The following ANKDD1A variants were observed in gnomAD, a reference collection of about 807,000 sequenced individuals.
The protein encoded by ANKDD1A is ankyrin repeat and death domain-containing protein 1A.
ANKDD1A carries 59 observed loss-of-function variants against 63.5 expected under a neutral mutation model. The ratio of observed to expected loss-of-function variants is 0.93; its 90% CI spans 0.75 to 1.15. ANKDD1A has a LOEUF of 1.15. Ranked by LOEUF, ANKDD1A falls within the 50% of genes most tolerant of loss-of-function variation. The pLI is 0.00. For synonymous variants in ANKDD1A, 266 were observed against 263.9 expected, an observed-to-expected ratio of 1.01 and a Z score of -0.08; for missense variants, 632 against 656.4, an observed-to-expected ratio of 0.96 and a Z score of 0.41.
intron 6 of ANKDD1A, among the ~76,000 whole-genome samples, chr15:64,929,038 A>T (rs1283367964): frequency 6.6e-6 from 1 of 152,182 alleles, no homozygotes; most frequent in Non-Finnish European, 1.5e-5. Flanking sequence ...TCACGCTGTG[A>T]TTGCATTTCC....
At chr15:64,939,003 A>ATCAAT (rs1460487342) in intron 9 of ANKDD1A, among the ~76,000 whole-genome samples, 40 of 151,968 alleles carry the variant, frequency 2.6e-4, no homozygotes, top group Non-Finnish European at 4.9e-4. Flanking sequence ...AGTTCTAATA[A>ATCAAT]TCAATTGACA....
chr15:64,928,636 C>T (rs2085065374), intron 6 of ANKDD1A, among the ~76,000 whole-genome samples: 1 of 152,184 alleles, frequency 6.6e-6, no homozygotes, highest in African/African-American at 2.4e-5. Context: ...CAACACAGGT[C>T]ACTCCACGTG....
At chr15:64,926,707 A>G (rs1482809673) in intron 5 of ANKDD1A, among the ~76,000 whole-genome samples, 194 bp from the exon 6 acceptor site, 3 of 152,128 alleles carry the variant, frequency 2.0e-5, no homozygotes, top group African/African-American at 7.2e-5. Context: ...GGACCCCAGC[A>G]AGTGTCTCTT....
At chr15:64,956,314 GCA>G (rs2085416308) in intron 14 of ANKDD1A, among the ~76,000 whole-genome samples, 1 of 151,552 alleles carries the variant, frequency 6.6e-6, no homozygotes, top group Non-Finnish European at 1.5e-5. Context: ...CTTTGGGAGG[GCA>G]AGGCGGGCAG....
intron 1 of ANKDD1A, chr15:64,914,059 C>T (rs1163970591): frequency 6.6e-6 from 1 of 151,424 alleles, no homozygotes; most frequent in Non-Finnish European, 1.5e-5. Context: ...ATGATCTCGG[C>T]TCACTGCAAC....
At chr15:64,944,797 T>G in intron 12 of ANKDD1A, 50 bp downstream of exon 12, 2 of 1,589,340 alleles carry the variant, frequency 1.3e-6, no homozygotes, top group South Asian at 2.2e-5. Context: ...GGAGTGATTT[T>G]GGCTCCAGAT....
intron 6 of ANKDD1A, among the ~76,000 whole-genome samples, chr15:64,928,387 C>A (rs1016200518): frequency 6.6e-6 from 1 of 152,256 alleles, no homozygotes; most frequent in African/African-American, 2.4e-5. Flanking sequence ...AATGATCACA[C>A]CTCAGGGCCC....
chr15:64,938,034 C>T (rs954263757), intron 9 of ANKDD1A, among the ~76,000 whole-genome samples: 2 of 152,058 alleles, frequency 1.3e-5, no homozygotes, highest in African/African-American at 2.4e-5. Flanking sequence ...ATGGTCAACT[C>T]TGAAACTACT....
chr15:64,923,481 TA>T (rs982181162), intron 4 of ANKDD1A, among the ~76,000 whole-genome samples: 2 of 152,224 alleles, frequency 1.3e-5, no homozygotes, highest in African/African-American at 4.8e-5. Flanking sequence ...TTTTCCTGTA[TA>T]ATTTTTTTTT....
chr15:64,930,335 CA>C (rs1436530676), intron 6 of ANKDD1A, among the ~76,000 whole-genome samples: 1 of 151,276 alleles, frequency 6.6e-6, no homozygotes. Flanking sequence ...GTGATCTGTG[CA>C]GTGGGGAAAG....
chr15:64,943,763 T>G, intron 11 of ANKDD1A, 181 bp downstream of exon 11: 1 of 627,112 alleles, frequency 1.6e-6, no homozygotes, highest in Admixed American at 2.5e-5. Flanking sequence ...CACCTTCCCC[T>G]CTCTCTACTA....
In ANKDD1A at chr15:64,952,875, TTC is replaced by T. The variant is rs1566917116; in HGVS notation, c.1483+2905_1483+2906del. ...TCTTCTCCTTCTTCTTTTCTTCTCT[TTC>T]TTCTTCTCCTTCTTCCTTCTCCTTC... On this transcript the variant is annotated intron_variant, in intron 14 of 14. Transcript: ENST00000319580. 8.9e-3 allele frequency among the ~76,000 whole-genome samples: 1,021 copies of T among 114,122 alleles called. 42 individuals carry two copies. The South Asian group carries it at 0.13, about 15-fold the overall frequency. The allele number at this position is 114,122 out of a possible 152,430, so 74.9% of individuals were successfully genotyped here. A position where few individuals can be genotyped will look rare whatever the true frequency, so the allele number is the denominator to read the frequency against.
At chr15:64,933,820 GAC>G (rs1263428509) in intron 8 of ANKDD1A, among the ~76,000 whole-genome samples, 5 of 151,784 alleles carry the variant, frequency 3.3e-5, no homozygotes, top group African/African-American at 1.2e-4. Flanking sequence ...CAGCTTGGGT[GAC>G]AGAGTGAGAC....
At chr15:64,923,158 A>G (rs1445760753) in intron 4 of ANKDD1A, among the ~76,000 whole-genome samples, 1 of 152,088 alleles carries the variant, frequency 6.6e-6, no homozygotes, top group African/African-American at 2.4e-5. Flanking sequence ...CCACAACCTA[A>G]CACACCAATA....
chr15:64,952,541 T>C (rs545089400), intron 14 of ANKDD1A, among the ~76,000 whole-genome samples: 13 of 148,816 alleles, frequency 8.7e-5, no homozygotes, highest in Non-Finnish European at 1.3e-4. Context: ...TTCTTCTCCT[T>C]CTCCTCCTCC....
chr15:64,928,689 T>G (rs2085065731), intron 6 of ANKDD1A, among the ~76,000 whole-genome samples: 2 of 152,144 alleles, frequency 1.3e-5, no homozygotes, highest in African/African-American at 4.8e-5. Flanking sequence ...CAGAGAGAGC[T>G]ATTAACTCCA....
chr15:64,920,971 C>CTTTG (rs1309029821), intron 3 of ANKDD1A, among the ~76,000 whole-genome samples: 1 of 151,868 alleles, frequency 6.6e-6, no homozygotes, highest in African/African-American at 2.4e-5. Flanking sequence ...GTTTTTTTGT[C>CTTTG]TTTGTTTGTT....
In ANKDD1A at chr15:64,911,905, G is replaced by T; in HGVS notation, c.-26G>T. The T allele has an allele frequency of 1.6e-6, 2 of 1,244,892 alleles. No homozygotes were observed. Among genetic ancestry groups the T allele is most frequent in the South Asian group, 3.7e-5 (1 of 26,962 alleles). The allele number at this position is 1,244,892 out of a possible 1,614,324, so 77.1% of individuals were successfully genotyped here. On this transcript the variant is annotated 5_prime_UTR_variant, in exon 1 of 15. Coordinates refer to ENST00000319580, the MANE Select transcript of ANKDD1A (RefSeq NM_182703.6). ...GCGCGCCTCGCGCCCGGGCACCAGCGCGCGCAGGGGCTGCGGAGCGGCAGG... is the reference window on the plus strand; with the variant it reads ...GCGCGCCTCGCGCCCGGGCACCAGCTCGCGCAGGGGCTGCGGAGCGGCAGG...
At chr15:64,953,876 A>T (rs1218569447) in intron 14 of ANKDD1A, among the ~76,000 whole-genome samples, 7 of 84,874 alleles carry the variant, frequency 8.2e-5, no homozygotes, top group African/African-American at 2.3e-4. Flanking sequence ...TTTCTTCTTC[A>T]TTCTTTCTTC....
Sources: gnomAD v4.1 joint callset for allele counts (sites outside exome capture counted in the v4.1 genomes callset) on GRCh38, gnomAD v4.1.1 for gene constraint, MANE v1.5 for transcripts, NCBI Gene and HGNC (gene_info 2026-07-23, HGNC 2026-07-21) for gene names.